The following JMJD1C variants were observed in gnomAD, a reference collection of about 807,000 sequenced individuals.
JMJD1C encodes the protein jumonji domain containing 1C.
JMJD1C carries 31 observed loss-of-function variants against 245.3 expected under a neutral mutation model. The ratio of observed to expected loss-of-function variants is 0.13; its 90% CI spans 0.09 to 0.17. JMJD1C has a LOEUF of 0.17. Among genes scored for constraint, JMJD1C ranks in the 10% least tolerant of loss-of-function variants. JMJD1C has a pLI of 1.00. For missense variants in JMJD1C, 2,691 were observed against 3,000.2 expected (o/e 0.90, Z 2.41); for synonymous variants, 1,057 against 1,017.4 (o/e 1.04, Z -0.74).
chr10:63,245,204 A>G (rs898816849), intron 3 of JMJD1C, among the ~76,000 whole-genome samples: 3 of 151,746 alleles, frequency 2.0e-5, no homozygotes, highest in African/African-American at 4.8e-5. Flanking sequence ...AGAGATTGAA[A>G]TAACAATTTT....
At chr10:63,222,725 C>G in intron 3 of JMJD1C, 1 of 1,537,212 alleles carries the variant, frequency 6.5e-7, no homozygotes, top group Non-Finnish European at 9.0e-7. Flanking sequence ...TGACTTGGAT[C>G]TTTATATAGG....
intron 24 of JMJD1C, among the ~76,000 whole-genome samples, chr10:63,171,488 G>A (rs561851148): frequency 7.2e-5 from 11 of 152,330 alleles, no homozygotes; most frequent in Middle Eastern, 3.4e-3. Flanking sequence ...TTGCTGACGG[G>A]CCAAAGAACA....
chr10:63,391,508 T>TCAACAACAA (rs140504932), intron 1 of JMJD1C, among the ~76,000 whole-genome samples: 274 of 149,402 alleles, frequency 1.8e-3, no homozygotes, highest in East Asian at 7.8e-3. Context: ...AGACTCCGTC[T>TCAACAACAA]CAACAACAAC....
At chr10:63,197,639 G>A (rs1376789117) in intron 12 of JMJD1C, 76 bp from the exon 13 acceptor site, 42 of 1,358,242 alleles carry the variant, frequency 3.1e-5, no homozygotes, top group Non-Finnish European at 3.9e-5. Flanking sequence ...AAATACAGAA[G>A]AAATAAAAAT....
chr10:63,452,185 T>C (rs1952112876), intron 1 of JMJD1C, among the ~76,000 whole-genome samples: 1 of 152,214 alleles, frequency 6.6e-6, no homozygotes, highest in South Asian at 2.1e-4. Context: ...ATATCTCTAA[T>C]CATTTAGCTG....
At chr10:63,346,750 C>T (rs1407055872) in intron 2 of JMJD1C, among the ~76,000 whole-genome samples, 1 of 152,110 alleles carries the variant, frequency 6.6e-6, no homozygotes, top group Non-Finnish European at 1.5e-5. Context: ...TAAAATTTGT[C>T]TGAAAGTTTT....
intron 1 of JMJD1C, among the ~76,000 whole-genome samples, chr10:63,454,454 C>T (rs1209896394): frequency 1.3e-5 from 2 of 151,880 alleles, no homozygotes; most frequent in Admixed American, 6.6e-5. Context: ...AATGGAATCT[C>T]ACTCTGTTGC....
Position 63,200,667 on chromosome 10 carries a change from A to T in JMJD1C, c.5085T>A (p.Pro1695=). 1 of 1,613,910 alleles carries T rather than the reference A, an allele frequency of 6.2e-7. No individual in the cohort carries two copies. Among genetic ancestry groups the T allele is most frequent in the Non-Finnish European group, 8.5e-7 (1 of 1,179,860 alleles). ...TACGCCAATCTTTCAATACTGAACG[A>T]GGAATGCCAGCTGTAAAATCAGTAG... ...KLQSNSNTGI[P]RSVLKDWRKV... The change falls in exon 11 of 26, where the codon CCT becomes CCA. Residue 1695 remains proline, a synonymous_variant. Coordinates refer to ENST00000399262, the MANE Select transcript of JMJD1C (RefSeq NM_032776.3).
At chr10:63,364,140 C>T (rs1945648762) in intron 2 of JMJD1C, among the ~76,000 whole-genome samples, 1 of 152,040 alleles carries the variant, frequency 6.6e-6, no homozygotes, top group African/African-American at 2.4e-5. Context: ...GCCGGGATTA[C>T]AGGTGTGAGC....
intron 1 of JMJD1C, among the ~76,000 whole-genome samples, chr10:63,401,378 T>C (rs1948845344): frequency 6.6e-6 from 1 of 152,296 alleles, no homozygotes; most frequent in Admixed American, 6.5e-5. Flanking sequence ...TTGTGTTTAA[T>C]GTAAAAATAT....
intron 24 of JMJD1C, among the ~76,000 whole-genome samples, chr10:63,175,627 G>A (rs150709001): frequency 6.6e-6 from 1 of 152,298 alleles, no homozygotes; most frequent in East Asian, 1.9e-4. Context: ...TGGAAAAGGT[G>A]GAGAACCAAC....
At chr10:63,493,347 C>T (rs1589826424) in intron 1 of JMJD1C, among the ~76,000 whole-genome samples, 1 of 145,128 alleles carries the variant, frequency 6.9e-6, no homozygotes, top group East Asian at 2.1e-4. Context: ...CTGAAACCTC[C>T]ACCTCCTTGG....
intron 1 of JMJD1C, among the ~76,000 whole-genome samples, chr10:63,449,673 T>C (rs1347654486): frequency 6.6e-6 from 1 of 152,174 alleles, no homozygotes; most frequent in East Asian, 1.9e-4. Flanking sequence ...ACACAGGACG[T>C]ATATGAAGAA....
In JMJD1C at chr10:63,184,672, C is replaced by T. The variant is rs1385723948; in HGVS notation, c.6897G>A (p.Leu2299=). The change falls in exon 21 of 26, where the codon TTG becomes TTA. Residue 2299 remains leucine, a synonymous_variant. Transcript: ENST00000399262. ...CAAAAAATCCTGGCAAATGAGAGGC[C>T]AAATTGAATTTTCCTTCTGGATTAC... ...EYCNPEGKFN[L]ASHLPGFFVR... is the part of the protein sequence containing the mutation. 2 of 1,613,588 alleles carry T rather than the reference C, an allele frequency of 1.2e-6. No individual in the cohort carries two copies. Among genetic ancestry groups the T allele is most frequent in the South Asian group, 2.2e-5 (2 of 91,042 alleles).
chr10:63,281,457 CCT>C (rs1589377422), intron 2 of JMJD1C, among the ~76,000 whole-genome samples: 1 of 107,768 alleles, frequency 9.3e-6, no homozygotes, highest in Non-Finnish European at 1.8e-5. Context: ...CTGCGCCTGG[CCT>C]TTTTTTTTTT....
chr10:63,464,465 T>C (rs1953039767), intron 1 of JMJD1C, among the ~76,000 whole-genome samples: 1 of 152,180 alleles, frequency 6.6e-6, no homozygotes, highest in African/African-American at 2.4e-5. Context: ...AATTTGAAGT[T>C]TTCATTGAAA....
chr10:63,274,476 G>C (rs766673101), intron 2 of JMJD1C, among the ~76,000 whole-genome samples: 21 of 152,018 alleles, frequency 1.4e-4, no homozygotes, highest in Non-Finnish European at 2.8e-4. Flanking sequence ...GAGGTGGGAG[G>C]ATCGCTTCAG....
In JMJD1C at chr10:63,350,995, T is replaced by C. The variant is rs1199394000; in HGVS notation, c.333+29323A>G. Among the ~76,000 whole-genome samples the C allele has an allele frequency of 2.6e-5, 4 of 152,122 alleles. No individual in the cohort carries two copies. In the East Asian group the frequency reaches 7.7e-4, roughly 29 times the overall value. ...TGACTAGATATGTAAGCAATCATAT[T>C]TAATATACATCTATATATATTACAT... On this transcript the variant is annotated intron_variant, in intron 2 of 25. Coordinates refer to ENST00000399262, the MANE Select transcript of JMJD1C (RefSeq NM_032776.3).
rs562611546 is a variant in JMJD1C at position 63,202,900 on chromosome 10, C to T, written c.5075-2223G>A. 19 of 973,156 alleles carry T rather than the reference C, an allele frequency of 2.0e-5. No individual in the cohort carries two copies. The Admixed American group carries it at 3.7e-4, about 19-fold the overall frequency. The allele number at this position is 973,156 out of a possible 1,614,324, so 60.3% of individuals were successfully genotyped here. On this transcript the variant is annotated intron_variant, in intron 10 of 25. Coordinates refer to ENST00000399262, the MANE Select transcript of JMJD1C (RefSeq NM_032776.3). Reference sequence around the variant, plus strand: ...CATCTATTTACTTTTCAATTTATTACACTAGAATAAACTAAATACAGTCTA... The same window carrying T: ...CATCTATTTACTTTTCAATTTATTATACTAGAATAAACTAAATACAGTCTA...
Sources: allele counts gnomAD v4.1 joint callset (sites outside exome capture counted in the v4.1 genomes callset), GRCh38; gene constraint gnomAD v4.1.1; transcripts MANE v1.5; gene names NCBI Gene and HGNC (gene_info 2026-07-23, HGNC 2026-07-21).